The following SLC35F4 variants were observed in gnomAD, a reference collection of about 807,000 sequenced individuals.
SLC35F4 encodes the protein solute carrier family 35 member F4.
Under a neutral mutation model 44.2 loss-of-function variants are expected in SLC35F4, and 24 were observed. That is an observed-to-expected ratio of 0.54 (90% CI 0.39 to 0.76). The LOEUF (loss-of-function observed/expected upper bound fraction) is 0.76. Ranked by LOEUF, SLC35F4 falls within the 30% of genes least tolerant of loss-of-function variation. The pLI is 0.00. For missense variants in SLC35F4, 562 were observed against 586.1 expected, an observed-to-expected ratio of 0.96 and a Z score of 0.42; for synonymous variants, 238 against 223.6, an observed-to-expected ratio of 1.06 and a Z score of -0.57.
intron 1 of SLC35F4, among the ~76,000 whole-genome samples, chr14:57,643,989 T>G (rs2073371146): frequency 1.3e-5 from 2 of 152,248 alleles, no homozygotes; most frequent in African/African-American, 4.8e-5. Context: ...GGTGTGTATG[T>G]GCCACATTTT....
At chr14:57,735,201 T>C (rs1566806966) in intron 1 of SLC35F4, among the ~76,000 whole-genome samples, 1 of 152,228 alleles carries the variant, frequency 6.6e-6, no homozygotes, top group Non-Finnish European at 1.5e-5. Context: ...TATTGTGTTT[T>C]GCTGTTCCTC....
At chr14:57,973,916 CA>C (rs1881130696), downstream of SLC35F4, among the ~76,000 whole-genome samples, 1 of 152,174 alleles carries the variant, frequency 6.6e-6, no homozygotes, top group African/African-American at 2.4e-5. Context: ...CACCCTCTGT[CA>C]TCTCCAACCC....
intron 1 of SLC35F4, among the ~76,000 whole-genome samples, chr14:57,785,809 C>T (rs2077742231): frequency 6.6e-6 from 1 of 152,176 alleles, no homozygotes; most frequent in Non-Finnish European, 1.5e-5. Flanking sequence ...CCTAGTACCA[C>T]AGGGATCCAT....
intron 1 of SLC35F4, among the ~76,000 whole-genome samples, chr14:57,963,626 G>A (rs112788207): frequency 1.3e-4 from 20 of 151,270 alleles, no homozygotes; most frequent in African/African-American, 4.6e-4. Flanking sequence ...ACGTGGAACT[G>A]TCTGGGTGCT....
At chr14:57,807,302 C>T (rs1881440446) in intron 1 of SLC35F4, among the ~76,000 whole-genome samples, 1 of 149,450 alleles carries the variant, frequency 6.7e-6, no homozygotes, top group Non-Finnish European at 1.5e-5. Flanking sequence ...GAGGGGAATT[C>T]TGCCCCAGCT....
intron 1 of SLC35F4, among the ~76,000 whole-genome samples, chr14:57,979,539 T>C (rs1426050573): frequency 6.6e-6 from 1 of 152,188 alleles, no homozygotes; most frequent in Non-Finnish European, 1.5e-5. Flanking sequence ...TCAGGATTCC[T>C]CTGAAGCTAC....
chr14:57,975,226 T>C (rs1261408258), downstream of SLC35F4, among the ~76,000 whole-genome samples: 3 of 152,236 alleles, frequency 2.0e-5, no homozygotes, highest in Admixed American at 6.5e-5. Context: ...CAATCCTACG[T>C]AGCAGGAACA....
Position 57,750,112 on chromosome 14 carries a change from A to T in SLC35F4, c.103+115611T>A, listed in dbSNP as rs1400791050. ...ATGGCCATATGTACACATTTTTAGC[A>T]CCCACTTAAGAGTGAAAACATGCGG... On this transcript the variant is annotated intron_variant, in intron 1 of 7. Coordinates refer to ENST00000556826, the MANE Select transcript of SLC35F4 (RefSeq NM_001306087.2). Among the ~76,000 whole-genome samples the T allele has an allele frequency of 1.1e-3, 170 of 152,108 alleles. 1 individual carries two copies. The highest frequency in any genetic ancestry group is 3.9e-3 in the African/African-American group (161 of 41,500).
chr14:57,684,939 G>T (rs1035843163), intron 1 of SLC35F4, among the ~76,000 whole-genome samples: 6 of 152,136 alleles, frequency 3.9e-5, no homozygotes, highest in Non-Finnish European at 7.3e-5. Flanking sequence ...TCCAGTCATG[G>T]GCAGCTTACA....
intron 1 of SLC35F4, among the ~76,000 whole-genome samples, chr14:57,927,104 C>A (rs574897759): frequency 6.6e-6 from 1 of 152,196 alleles, no homozygotes; most frequent in Non-Finnish European, 1.5e-5. Context: ...GCAAGTGACA[C>A]CCCACTGACA....
At chr14:57,676,779 T>G (rs1354015564) in intron 1 of SLC35F4, among the ~76,000 whole-genome samples, 1 of 152,050 alleles carries the variant, frequency 6.6e-6, no homozygotes, top group East Asian at 1.9e-4. Context: ...TTGGCATGGA[T>G]GTGGTGAAAA....
At chr14:57,678,259 A>G (rs1187155542) in intron 1 of SLC35F4, among the ~76,000 whole-genome samples, 1 of 152,096 alleles carries the variant, frequency 6.6e-6, no homozygotes, top group Non-Finnish European at 1.5e-5. Flanking sequence ...CCAGAATTTC[A>G]TATCCAGCCA....
chr14:57,608,795 GGCGGC>G (rs58859580), intron 1 of SLC35F4, among the ~76,000 whole-genome samples: 288 of 18,518 alleles, frequency 0.016, 3 homozygotes, highest in African/African-American at 0.026. Flanking sequence ...GCCGGGGGGG[GGCGGC>G]GGGGGGAGAG....
chr14:57,737,199 T>C (rs1412464957), intron 1 of SLC35F4, among the ~76,000 whole-genome samples: 2 of 151,922 alleles, frequency 1.3e-5, no homozygotes, highest in African/African-American at 2.4e-5. Flanking sequence ...AAAGTAGTAA[T>C]TCCACTTACT....
At chr14:57,726,984 T>C (rs1092028) in intron 1 of SLC35F4, among the ~76,000 whole-genome samples, 80,952 of 151,928 alleles carry the variant, frequency 0.53, 21,913 homozygotes, top group Non-Finnish European at 0.58. Flanking sequence ...CCGTGCTGGA[T>C]GCTTCCTGCC....
intron 4 of SLC35F4, 117 bp from the exon 5 acceptor site, chr14:57,572,136 A>G: frequency 8.4e-7 from 1 of 1,187,212 alleles, no homozygotes. Flanking sequence ...TACCTTTTGT[A>G]CATCACTTTA....
intron 1 of SLC35F4, among the ~76,000 whole-genome samples, chr14:57,695,465 A>G (rs908636637): frequency 1.3e-5 from 2 of 151,628 alleles, no homozygotes; most frequent in Non-Finnish European, 2.9e-5. Flanking sequence ...TCAAAACCAC[A>G]ATGAGATACC....
At chr14:57,918,383 G>A (rs1241740082) in intron 1 of SLC35F4, among the ~76,000 whole-genome samples, 1 of 152,152 alleles carries the variant, frequency 6.6e-6, no homozygotes, top group Non-Finnish European at 1.5e-5. Flanking sequence ...GTGACTCTCT[G>A]TATCTGCCTA....
At chr14:57,793,169 A>G (rs2077969089) in intron 1 of SLC35F4, among the ~76,000 whole-genome samples, 1 of 152,138 alleles carries the variant, frequency 6.6e-6, no homozygotes. Flanking sequence ...ACAGAATGCA[A>G]AAGAATTAAT....
Sources: gnomAD v4.1 joint callset for allele counts (sites outside exome capture counted in the v4.1 genomes callset) on GRCh38, gnomAD v4.1.1 for gene constraint, MANE v1.5 for transcripts, NCBI Gene and HGNC (gene_info 2026-07-23, HGNC 2026-07-21) for gene names.